The following STXBP4 variants were observed in gnomAD, a reference collection of about 807,000 sequenced individuals.
The protein encoded by STXBP4 is syntaxin binding protein 4, also known as syntaxin-binding protein 4.
In STXBP4, 55 loss-of-function variants were observed where a neutral mutation model predicts 76.1. That is an observed-to-expected ratio of 0.72 (90% CI 0.58 to 0.91). STXBP4 has a LOEUF of 0.91. Ranked by LOEUF, STXBP4 falls within the 40% of genes least tolerant of loss-of-function variation. The pLI, the probability that STXBP4 is intolerant of heterozygous loss-of-function variation, is 0.00. For missense variants in STXBP4, 618 were observed against 636.9 expected (o/e 0.97, Z 0.32); for synonymous variants, 201 against 220.2 (o/e 0.91, Z 0.77).
chr17:55,021,835 C>T (rs953466744), intron 8 of STXBP4, among the ~76,000 whole-genome samples: 26 of 151,966 alleles, frequency 1.7e-4, no homozygotes, highest in African/African-American at 4.3e-4. Flanking sequence ...ATTTATCAAA[C>T]GAAAATGACT....
At chr17:55,090,838 TG>T (rs1186453873) in intron 16 of STXBP4, among the ~76,000 whole-genome samples, 1 of 10,244 alleles carries the variant, frequency 9.8e-5, no homozygotes, top group Non-Finnish European at 1.4e-4. Context: ...TTTTAAATTG[TG>T]TGTGTGTGTG....
intron 13 of STXBP4, among the ~76,000 whole-genome samples, chr17:55,073,727 C>A (rs2079148524): frequency 6.6e-6 from 1 of 152,180 alleles, no homozygotes; most frequent in African/African-American, 2.4e-5. Context: ...CTCCCAGGTT[C>A]AAGTGATTCT....
intron 16 of STXBP4, among the ~76,000 whole-genome samples, chr17:55,124,607 C>T (rs2079885901): frequency 6.6e-6 from 1 of 152,042 alleles, no homozygotes; most frequent in Admixed American, 6.6e-5. Context: ...ATGAGTTTAC[C>T]TTTACAGTGT....
chr17:55,080,776 A>G (rs893420815), intron 15 of STXBP4, among the ~76,000 whole-genome samples: 2 of 152,172 alleles, frequency 1.3e-5, no homozygotes, highest in Non-Finnish European at 2.9e-5. Context: ...AATAAGCCCA[A>G]CAAATGATTT....
the STXBP4 span, among the ~76,000 whole-genome samples, chr17:55,179,015 CTAAA>C: frequency 2.0e-5 from 3 of 152,130 alleles, no homozygotes; most frequent in African/African-American, 7.2e-5. Flanking sequence ...TAAAATCACA[CTAAA>C]TAGTGCCTTA....
intron 4 of STXBP4, among the ~76,000 whole-genome samples, chr17:54,995,283 T>C (rs543731783): frequency 2.0e-4 from 31 of 152,340 alleles, no homozygotes; most frequent in Admixed American, 1.5e-3. Flanking sequence ...TACTTCCTCC[T>C]TGGGCCTTTG....
intron 16 of STXBP4, among the ~76,000 whole-genome samples, chr17:55,139,319 A>G (rs144248612): frequency 6.6e-6 from 1 of 152,276 alleles, no homozygotes; most frequent in African/African-American, 2.4e-5. Context: ...ATTAGAACGT[A>G]TCTGTGACTT....
At chr17:55,028,565 T>C (rs2078454787) in intron 8 of STXBP4, among the ~76,000 whole-genome samples, 1 of 152,204 alleles carries the variant, frequency 6.6e-6, no homozygotes, top group African/African-American at 2.4e-5. Flanking sequence ...GTTTTTCTTC[T>C]TGGGACATTT....
chr17:55,050,830 G>A (rs1199941619), intron 12 of STXBP4, among the ~76,000 whole-genome samples: 3 of 151,982 alleles, frequency 2.0e-5, no homozygotes, highest in Admixed American at 1.3e-4. Context: ...ACCATGCCCA[G>A]CTAATTTTAG....
At chr17:55,098,082 C>G (rs1436160241) in intron 16 of STXBP4, among the ~76,000 whole-genome samples, 5 of 152,258 alleles carry the variant, frequency 3.3e-5, no homozygotes, top group African/African-American at 7.2e-5. Context: ...AGCCTTAAAC[C>G]ATTCTCTTCC....
intron 3 of STXBP4, among the ~76,000 whole-genome samples, chr17:54,990,572 A>G (rs1387359656): frequency 6.6e-6 from 1 of 152,172 alleles, no homozygotes; most frequent in Non-Finnish European, 1.5e-5. Context: ...TTTATTATAT[A>G]TTACAATGTA....
the STXBP4 span, among the ~76,000 whole-genome samples, chr17:55,187,719 C>T: frequency 1.3e-5 from 2 of 152,098 alleles, no homozygotes; most frequent in Non-Finnish European, 2.9e-5. Context: ...AGTGTCTGGA[C>T]CACGGGATGG....
intron 8 of STXBP4, among the ~76,000 whole-genome samples, chr17:55,014,457 T>C (rs1275415485): frequency 6.6e-6 from 1 of 152,028 alleles, no homozygotes; most frequent in Non-Finnish European, 1.5e-5. Flanking sequence ...CTGGGAGAAG[T>C]ATCTAGTGAC....
At chr17:55,068,397 A>G (rs915205165) in intron 12 of STXBP4, among the ~76,000 whole-genome samples, 1 of 152,166 alleles carries the variant, frequency 6.6e-6, no homozygotes, top group Non-Finnish European at 1.5e-5. Context: ...AGTGATGTGA[A>G]TGTGTTAGCC....
chr17:55,081,894 T>A (rs924260069), intron 16 of STXBP4, among the ~76,000 whole-genome samples: 1 of 152,196 alleles, frequency 6.6e-6, no homozygotes, highest in African/African-American at 2.4e-5. Flanking sequence ...GAGAAATCCT[T>A]GGGGAAAACT....
At position 55,057,836 on chromosome 17, in the gene STXBP4, G is replaced by C. The variant is rs140943011; in HGVS notation, c.1011+10682G>C. 3.6e-3 allele frequency among the ~76,000 whole-genome samples: 550 copies of C among 152,252 alleles called. 3 individuals are homozygous for C. Among genetic ancestry groups the C allele is most frequent in the African/African-American group, 0.013 (532 of 41,518 alleles). ...TTCTGTTCCTGTGTTAGTTTGCTGA[G>C]AATGATGGTTTCCAGCTTCATCCAT... On this transcript the variant is annotated intron_variant, in intron 12 of 17. Transcript: ENST00000376352.
chr17:55,097,545 A>C (rs573872697), intron 16 of STXBP4, among the ~76,000 whole-genome samples: 138 of 152,000 alleles, frequency 9.1e-4, no homozygotes, highest in African/African-American at 2.7e-3. Flanking sequence ...TGCCTGTAGT[A>C]TCAGCTACTC....
intron 16 of STXBP4, among the ~76,000 whole-genome samples, chr17:55,090,730 A>G (rs2079400794): frequency 6.6e-6 from 1 of 152,198 alleles, no homozygotes; most frequent in Non-Finnish European, 1.5e-5. Context: ...AAGCCAGGAA[A>G]TACAGCTCTC....
At chr17:55,177,139 C>T (rs755711286), downstream of STXBP4, among the ~76,000 whole-genome samples, 79 of 152,090 alleles carry the variant, frequency 5.2e-4, no homozygotes, top group Admixed American at 1.4e-3. Context: ...TATCTCTGTA[C>T]CTATAATGAT....
Sources: allele counts gnomAD v4.1 joint callset (sites outside exome capture counted in the v4.1 genomes callset), GRCh38; gene constraint gnomAD v4.1.1; transcripts MANE v1.5; gene names NCBI Gene and HGNC (gene_info 2026-07-23, HGNC 2026-07-21).